Variants in PLB1 observed in about 807,000 individuals in gnomAD.
PLB1 encodes the protein phospholipase B1, membrane-associated.
Under a neutral mutation model 227.4 loss-of-function variants are expected in PLB1, and 242 were observed. That is an observed-to-expected ratio of 1.06 (90% CI 0.96 to 1.18). The LOEUF (loss-of-function observed/expected upper bound fraction) is 1.18, where lower values mean the gene tolerates loss of function less well. Ranked by LOEUF, PLB1 falls within the 50% of genes most tolerant of loss-of-function variation. The probability of loss-of-function intolerance (pLI) is 0.00; values close to 1 mark genes in which losing one functional copy is unlikely to be tolerated. For synonymous variants in PLB1, 757 were observed against 682.2 expected (o/e 1.11, Z -1.71); for missense variants, 1,858 against 1,816.3 (o/e 1.02, Z -0.42).
rs959524452 is a variant in PLB1, at chr2:28,600,190, G to A, written c.2475-619G>A. On this transcript the variant is annotated intron_variant, in intron 35 of 57. Transcript: ENST00000327757. ...CTCCCAAAGTGCTGGGATTACAGGC[G>A]TGAGCCACCAGGCCTGCCACCTTCC... Among the ~76,000 whole-genome samples, 4 of 152,176 alleles carry A rather than the reference G, an allele frequency of 2.6e-5. No homozygotes were observed. The East Asian group carries it at 5.8e-4, about 22-fold the overall frequency.
intron 56 of PLB1, among the ~76,000 whole-genome samples, chr2:28,634,892 T>A (rs567378715): frequency 6.6e-6 from 1 of 151,506 alleles, no homozygotes; most frequent in African/African-American, 2.4e-5. Flanking sequence ...GCCTGGGCAA[T>A]AGAGTGAGAC....
intron 12 of PLB1, 36 bp downstream of exon 12, chr2:28,540,477 C>G: frequency 6.3e-7 from 1 of 1,591,326 alleles, no homozygotes. Context: ...TGCTGGCTCA[C>G]CGGGGTGGCG....
chr2:28,553,731 G>A (rs890853095), intron 17 of PLB1, among the ~76,000 whole-genome samples: 10 of 152,254 alleles, frequency 6.6e-5, no homozygotes, highest in East Asian at 1.9e-4. Context: ...TTATTTGTTC[G>A]TTTATTTACT....
At chr2:28,594,690 C>T (rs901135085) in intron 33 of PLB1, 1 of 152,440 alleles carries the variant, frequency 6.6e-6, no homozygotes, top group African/African-American at 2.4e-5. Context: ...CCACCCACAA[C>T]GAGGACCTAG....
intron 46 of PLB1, 92 bp from the exon 47 acceptor site, chr2:28,620,173 C>T: frequency 1.2e-6 from 1 of 805,994 alleles, no homozygotes; most frequent in Non-Finnish European, 1.9e-6. Context: ...AAGGCAAATC[C>T]AGGTCCTAGC....
chr2:28,610,500 C>T (rs996856505), intron 43 of PLB1, among the ~76,000 whole-genome samples: 15 of 152,132 alleles, frequency 9.9e-5, no homozygotes, highest in Non-Finnish European at 2.1e-4. Context: ...CTTAGGACAT[C>T]CCGTGAAATA....
At position 28,577,571 on chromosome 2, in the gene PLB1, G is replaced by A. The variant is rs187391528; in HGVS notation, c.1434-536G>A. On this transcript the variant is annotated intron_variant, in intron 21 of 57. Transcript: ENST00000327757. ...GAAAATAGTCACACCGGCCGGGCGC[G>A]GTGGCTCACGCCTGTAATCCCAGCA... 3.2e-3 allele frequency among the ~76,000 whole-genome samples: 486 copies of A among 152,278 alleles called. 3 individuals carry two copies. The highest frequency in any genetic ancestry group is 0.01 in the African/African-American group (436 of 41,550).
At chr2:28,500,206 C>G (rs1014954279) in intron 1 of PLB1, among the ~76,000 whole-genome samples, 1 of 152,222 alleles carries the variant, frequency 6.6e-6, no homozygotes, top group African/African-American at 2.4e-5. Flanking sequence ...TCTTTAATCT[C>G]TTTTCATCAA....
intron 6 of PLB1, among the ~76,000 whole-genome samples, chr2:28,528,759 C>G (rs1326713911): frequency 6.6e-6 from 1 of 152,068 alleles, no homozygotes; most frequent in Admixed American, 6.6e-5. Flanking sequence ...TGGGCCTGGC[C>G]TAGCATTTTA....
chr2:28,631,928 C>T (rs2219762), intron 54 of PLB1, 108 bp from the exon 55 acceptor site: 222,716 of 870,530 alleles, frequency 0.26, 28,830 homozygotes, highest in East Asian at 0.3. Flanking sequence ...AGTCACTGTC[C>T]TTTAGGGTGA....
At chr2:28,600,278 C>G (rs1328673025) in intron 35 of PLB1, among the ~76,000 whole-genome samples, 2 of 152,140 alleles carry the variant, frequency 1.3e-5, no homozygotes, top group Non-Finnish European at 2.9e-5. Flanking sequence ...TTGAAAGAAC[C>G]ATTTAGATAA....
chr2:28,497,042 C>G (rs1666539355), intron 1 of PLB1, among the ~76,000 whole-genome samples: 1 of 152,206 alleles, frequency 6.6e-6, no homozygotes, highest in Non-Finnish European at 1.5e-5. Context: ...ACGATGCTTG[C>G]TATGCCTTCT....
chr2:28,500,661 T>A (rs1463437074), intron 1 of PLB1, among the ~76,000 whole-genome samples: 1 of 151,964 alleles, frequency 6.6e-6, no homozygotes, highest in Non-Finnish European at 1.5e-5. Context: ...TCATATGAAA[T>A]TCATCTATGG....
chr2:28,512,239 T>G (rs1668368289), intron 1 of PLB1, among the ~76,000 whole-genome samples: 1 of 152,166 alleles, frequency 6.6e-6, no homozygotes. Flanking sequence ...TTTACTGATC[T>G]TTTATTCTGT....
intron 1 of PLB1, among the ~76,000 whole-genome samples, chr2:28,510,625 C>T (rs868642443): frequency 2.6e-4 from 31 of 118,004 alleles, no homozygotes; most frequent in East Asian, 4.9e-4. Context: ...TTTTCTCTCT[C>T]TTTTTTTTTT....
chr2:28,525,928 G>A lies in PLB1; in HGVS notation c.308G>A (p.Cys103Tyr), dbSNP rs758395415. The A allele has an allele frequency of 6.2e-7, 1 of 1,614,114 alleles. No individual in the cohort carries two copies. Among genetic ancestry groups the A allele is most frequent in the Non-Finnish European group, 8.5e-7 (1 of 1,180,002 alleles). The change falls in exon 6 of 58, where the codon TGC (cysteine) becomes TAC (tyrosine). Residue 103 changes from cysteine to tyrosine, a missense_variant. Physicochemically the swap from Cys to Tyr is radical, Grantham distance 194. Transcript: ENST00000327757. ...QDWTERPQQV[C>Y]MGVMTVLSDI... ...AGGACTGAAAGGCCACAGCAGGTGT[G>A]CATGGGAGTGATGACAGGTGAGTTG...
chr2:28,607,590 T>C (rs1684865933), intron 43 of PLB1, among the ~76,000 whole-genome samples: 1 of 152,076 alleles, frequency 6.6e-6, no homozygotes, highest in African/African-American at 2.4e-5. Context: ...GATTGTCAGA[T>C]TCTGCAACAG....
At chr2:28,530,496 C>T (rs1454759893) in intron 8 of PLB1, among the ~76,000 whole-genome samples, 1 of 152,216 alleles carries the variant, frequency 6.6e-6, no homozygotes, top group Non-Finnish European at 1.5e-5. Flanking sequence ...GTGGCGATTG[C>T]TGTTATTAAT....
intron 16 of PLB1, among the ~76,000 whole-genome samples, chr2:28,552,681 C>A (rs1293299362): frequency 1.3e-5 from 2 of 152,062 alleles, no homozygotes; most frequent in South Asian, 2.1e-4. Context: ...AATATCCTGG[C>A]AAGAAATAAC....
Sources: gnomAD v4.1 joint callset for allele counts (sites outside exome capture counted in the v4.1 genomes callset) on GRCh38, gnomAD v4.1.1 for gene constraint, MANE v1.5 for transcripts, NCBI Gene and HGNC (gene_info 2026-07-23, HGNC 2026-07-21) for gene names.